The following STAB2 variants were observed in gnomAD, a reference collection of about 807,000 sequenced individuals.
The protein encoded by STAB2 is stabilin-2.
STAB2 carries 288 observed loss-of-function variants against 338.1 expected under a neutral mutation model. The ratio of observed to expected loss-of-function variants is 0.85; its 90% confidence interval spans 0.77 to 0.94. The LOEUF is 0.94. STAB2 is among the 40% of genes least tolerant of loss of function. STAB2 has a pLI of 0.00. For missense variants in STAB2, 3,141 were observed against 3,210.1 expected, an observed-to-expected ratio of 0.98 and a Z score of 0.52; for synonymous variants, 1,202 against 1,193.3, an observed-to-expected ratio of 1.01 and a Z score of -0.15.
intron 18 of STAB2, among the ~76,000 whole-genome samples, chr12:103,664,391 G>A (rs1874895089): frequency 6.6e-6 from 1 of 152,082 alleles, no homozygotes. Context: ...TGATCTGCCC[G>A]CCTCGGCCTC....
intron 9 of STAB2, among the ~76,000 whole-genome samples, chr12:103,643,957 G>A (rs1186842421): frequency 1.2e-5 from 1 of 81,898 alleles, no homozygotes. Context: ...GGAGGTGAGG[G>A]GCGCCTCTGC....
intron 25 of STAB2, among the ~76,000 whole-genome samples, chr12:103,678,808 A>G (rs1261630008): frequency 1.3e-5 from 2 of 152,068 alleles, no homozygotes; most frequent in East Asian, 3.9e-4. Flanking sequence ...CTGGGATTAC[A>G]GGTGTAAGCC....
intron 25 of STAB2, among the ~76,000 whole-genome samples, chr12:103,679,644 C>A (rs943990499): frequency 6.6e-6 from 1 of 152,146 alleles, no homozygotes; most frequent in Non-Finnish European, 1.5e-5. Context: ...AGGGAGAAAT[C>A]TTTCAGTTAT....
chr12:103,758,327 A>G (rs1884287810), intron 64 of STAB2, 38 bp downstream of exon 64: 1 of 1,607,834 alleles, frequency 6.2e-7, no homozygotes, highest in African/African-American at 1.3e-5. Flanking sequence ...TTAGACTAGC[A>G]TGTTATCTAT....
intron 56 of STAB2, among the ~76,000 whole-genome samples, chr12:103,743,032 T>TTC: frequency 6.6e-6 from 1 of 150,754 alleles, no homozygotes; most frequent in African/African-American, 2.4e-5. Flanking sequence ...TCTTTTTTTT[T>TTC]TTTTTTTGAG....
chr12:103,762,540 C>T (rs1884616095), intron 67 of STAB2, 138 bp downstream of exon 67: 1 of 1,313,962 alleles, frequency 7.6e-7, no homozygotes, highest in African/African-American at 1.5e-5. Context: ...GGGCGGCCAC[C>T]CACCCCACGC....
rs113917053 is a variant in STAB2, at chr12:103,695,569, G to T, written c.3395G>T (p.Arg1132Leu). 7 of 1,614,186 alleles carry T rather than the reference G, an allele frequency of 4.3e-6. 1 individual carries two copies. Among genetic ancestry groups the T allele is most frequent in the Middle Eastern group, 1.6e-4 (1 of 6,062 alleles). Residue 1132 changes from arginine to leucine, a missense_variant, in exon 32 of 69, where the codon CGT (arginine) becomes CTT (leucine). Coordinates refer to ENST00000388887, the MANE Select transcript of STAB2 (RefSeq NM_017564.10). ...IINKVLVPQR[R>L]LTGSLPNLLM... Reference sequence around the variant, plus strand: ...TTTCAGGTGCTGGTCCCACAAAGACGTCTAACTGGCTCCTTACCAAACCTG... The same window carrying T: ...TTTCAGGTGCTGGTCCCACAAAGACTTCTAACTGGCTCCTTACCAAACCTG...
intron 54 of STAB2, 104 bp downstream of exon 54, chr12:103,739,572 T>TGCGTGC: frequency 1.4e-6 from 1 of 733,316 alleles, no homozygotes; most frequent in African/African-American, 2.0e-5. Flanking sequence ...TGTGTGTGTG[T>TGCGTGC]GCCCGTGCAC....
chr12:103,625,288 A>G (rs553511165), intron 5 of STAB2, among the ~76,000 whole-genome samples: 1 of 152,234 alleles, frequency 6.6e-6, no homozygotes, highest in Non-Finnish European at 1.5e-5. Context: ...TTCCAAATAA[A>G]GGAAGTATCC....
rs1246988114 is a variant in STAB2 at position 103,707,185 on chromosome 12, G to T, written c.4192+198G>T. On this transcript the variant is annotated intron_variant, in intron 38 of 68. Coordinates refer to ENST00000388887, the MANE Select transcript of STAB2 (RefSeq NM_017564.10). ...TTTGCAGTGTTCCCAAACATTTTCA[G>T]TCTCTAACTTGAACCTACCAACTCA... Among the ~76,000 whole-genome samples, 3 of 152,216 alleles carry T rather than the reference G, an allele frequency of 2.0e-5. No homozygotes were observed. The East Asian group carries it at 5.8e-4, about 29-fold the overall frequency.
chr12:103,666,156 G>C (rs550860434), intron 18 of STAB2, 135 bp from the exon 19 acceptor site: 2 of 771,554 alleles, frequency 2.6e-6, no homozygotes, highest in Non-Finnish European at 4.4e-6. Flanking sequence ...TGGGGAGGGG[G>C]TGGGTAGAGA....
rs759371277 is a variant in STAB2, at chr12:103,699,217, A to G, written c.3704A>G (p.His1235Arg). The G allele has an allele frequency of 2.5e-6, 4 of 1,612,526 alleles. No individual in the cohort carries two copies. The highest frequency in any genetic ancestry group is 3.4e-6 in the Non-Finnish European group (4 of 1,178,728). ...GFSYFLSFFLHNDQLYVNEAP... is the reference protein window; with the variant it reads ...GFSYFLSFFLRNDQLYVNEAP... ...TCCTATTTCCTTAGCTTCTTTCTCC[A>G]TAATGACCAGGTACGATCCTTTTAT... Residue 1235 changes from histidine to arginine, a missense_variant, in exon 34 of 69, where the codon CAT (histidine) becomes CGT (arginine). His to Arg is a conservative substitution (Grantham distance 29). Transcript: ENST00000388887.
At chr12:103,679,174 G>A (rs965891089) in intron 25 of STAB2, among the ~76,000 whole-genome samples, 3 of 151,970 alleles carry the variant, frequency 2.0e-5, no homozygotes, top group East Asian at 2.0e-4. Context: ...TTGGGAGTTC[G>A]AGCCCAGCCT....
At chr12:103,621,900 AAT>A (rs1272240717) in intron 4 of STAB2, 140 bp from the exon 5 acceptor site, 1 of 721,656 alleles carries the variant, frequency 1.4e-6, no homozygotes, top group Non-Finnish European at 2.3e-6. Context: ...TGATAACACA[AAT>A]AAACAGAAAG....
rs1273968805 is a variant in STAB2 at position 103,766,663 on chromosome 12, A to G, written c.*327A>G. On this transcript the variant is annotated 3_prime_UTR_variant, in exon 69 of 69. Coordinates refer to ENST00000388887, the MANE Select transcript of STAB2 (RefSeq NM_017564.10). Reference sequence around the variant, plus strand: ...CCTCCGTCTTTGTATCCCAGCCCCTAGCCCAGTGCCTGACACAGGAACTGT... The same window carrying G: ...CCTCCGTCTTTGTATCCCAGCCCCTGGCCCAGTGCCTGACACAGGAACTGT... The G allele has an allele frequency of 1.4e-5, 4 of 295,404 alleles. No individual in the cohort carries two copies. The highest frequency in any genetic ancestry group is 2.6e-5 in the Non-Finnish European group (4 of 154,920). 18.3% of individuals were successfully genotyped at this position (295,404 alleles called of 1,614,324 possible). A position where few individuals can be genotyped will look rare whatever the true frequency, so the allele number is the denominator to read the frequency against.
In STAB2 at chr12:103,712,381, C is replaced by G; in HGVS notation, c.4349C>G (p.Ser1450Ter). Reference protein sequence around the residue: ...CHTSANCLTNSDGTASCKCAA... With the variant: ...CHTSANCLTN ...CCTTGTTGCAGCTGCCTCACCAACT[C>G]AGATGGTACAGCTTCATGCAAGTGT... Residue 1450 changes from serine (S) to a stop codon, truncating the protein, a stop_gained, in exon 41 of 69, where the codon TCA becomes TGA. Transcript: ENST00000388887. LOFTEE classifies it high-confidence loss of function. 1 of 1,613,960 alleles carries G rather than the reference C, an allele frequency of 6.2e-7. No individual in the cohort carries two copies.
intron 4 of STAB2, among the ~76,000 whole-genome samples, chr12:103,621,486 A>G (rs1018944165): frequency 2.0e-5 from 3 of 152,158 alleles, no homozygotes; most frequent in African/African-American, 7.2e-5. Context: ...TAATCCCAGT[A>G]CTTTGGGAGG....
rs746986827 is a variant in STAB2 at position 103,594,534 on chromosome 12, T to G, written c.331+24T>G. ...AGGTAAGTGGCACAATGCTTGGACTTTGAGACTTGCTTCTTGGTATCTCAT... is the reference window on the plus strand; with the variant it reads ...AGGTAAGTGGCACAATGCTTGGACTGTGAGACTTGCTTCTTGGTATCTCAT... On this transcript the variant is annotated intron_variant, in intron 3 of 68. Transcript: ENST00000388887. 1.2e-5 allele frequency: 19 copies of G among 1,550,190 alleles called. No homozygotes were observed. In the South Asian group the frequency reaches 2.1e-4, roughly 17 times the overall value.
chr12:103,666,234 TCGCCA>T, intron 18 of STAB2, 52 bp from the exon 19 acceptor site: 11 of 1,553,016 alleles, frequency 7.1e-6, no homozygotes, highest in Non-Finnish European at 9.8e-6. Flanking sequence ...CACAGGACCA[TCGCCA>T]CTGCTCCCTC....
Sources: allele counts gnomAD v4.1 joint callset (sites outside exome capture counted in the v4.1 genomes callset), GRCh38; gene constraint gnomAD v4.1.1; transcripts MANE v1.5; gene names NCBI Gene and HGNC (gene_info 2026-07-23, HGNC 2026-07-21).